CCDC6: variants seen among roughly 807,000 people sequenced by gnomAD.
CCDC6 encodes the protein coiled-coil domain-containing protein 6.
CCDC6 carries 20 observed loss-of-function variants against 56.6 expected under a neutral mutation model. That is an observed-to-expected ratio of 0.35 (90% CI 0.25 to 0.51). CCDC6 has a LOEUF of 0.51. Among genes scored for constraint, CCDC6 ranks in the 20% least tolerant of loss-of-function variants. The pLI is 0.95. For synonymous variants in CCDC6, 241 were observed against 234.4 expected, an observed-to-expected ratio of 1.03 and a Z score of -0.26; for missense variants, 367 against 601.1, an observed-to-expected ratio of 0.61 and a Z score of 4.07.
intron 4 of CCDC6, 85 bp downstream of exon 4, chr10:59,814,567 T>C: frequency 2.5e-6 from 2 of 807,978 alleles, no homozygotes; most frequent in Non-Finnish European, 4.3e-6. Context: ...TAAGGTGTCC[T>C]ACTGCTATTC....
At position 59,809,076 on chromosome 10, in the gene CCDC6, T is replaced by C. The variant is rs974125189; in HGVS notation, c.848-1998A>G. ...CTTTTAATATAAACGATTTAAATTA[T>C]TTGATCCCAAATATGCAAGCATGCA... is the stretch of plus-strand genomic sequence containing the variant. On this transcript the variant is annotated intron_variant, in intron 5 of 8. Transcript: ENST00000263102. Among the ~76,000 whole-genome samples the C allele has an allele frequency of 1.9e-4, 29 of 152,214 alleles. 1 individual carries two copies. The highest frequency in any genetic ancestry group is 4.4e-5 in the Non-Finnish European group (3 of 68,044).
rs2070451085 is a variant in CCDC6, at chr10:59,789,683, G to A, written c.*3234C>T. On this transcript the variant is annotated 3_prime_UTR_variant, in exon 9 of 9. Coordinates refer to ENST00000263102, the MANE Select transcript of CCDC6 (RefSeq NM_005436.5). ...AGACAAGTACTAGACAGAAGATCAA[G>A]TTACACAGAAATATTTCTTCTGTAC... 4.5e-6 allele frequency: 1 copy of A among 222,674 alleles called. No homozygotes were observed. The highest frequency in any genetic ancestry group is 5.7e-5 in the Admixed American group (1 of 17,412). The allele number at this position is 222,674 out of a possible 1,614,324, so 13.8% of individuals were successfully genotyped here.
chr10:59,865,140 C>T (rs2071166354), intron 1 of CCDC6, among the ~76,000 whole-genome samples: 1 of 152,204 alleles, frequency 6.6e-6, no homozygotes, highest in Non-Finnish European at 1.5e-5. Flanking sequence ...CCCTCTACAT[C>T]TCTACCTATA....
Position 59,906,215 on chromosome 10 carries a change from G to A in CCDC6, c.210C>T (p.Asn70=). Residue 70 remains asparagine (N), a synonymous_variant, in exon 1 of 9, where the codon AAC becomes AAT. Coordinates refer to ENST00000263102, the MANE Select transcript of CCDC6 (RefSeq NM_005436.5). ...TCTCCAGCTCTATCTTCAGCACCTT[G>A]TTCTCTTGCTGCAGCGAGGCCAGGC... ...TNRLASLQQE[N]KVLKIELETY... 1 of 1,613,734 alleles carries A rather than the reference G, an allele frequency of 6.2e-7. No individual in the cohort carries two copies. Among genetic ancestry groups the A allele is most frequent in the Non-Finnish European group, 8.5e-7 (1 of 1,179,792 alleles).
Position 59,788,920 on chromosome 10 carries a change from A to C in CCDC6, c.*3997T>G, listed in dbSNP as rs1201385988. 4 of 212,782 alleles carry C rather than the reference A, an allele frequency of 1.9e-5. No homozygotes were observed. The highest frequency in any genetic ancestry group is 1.5e-3 in the Middle Eastern group (1 of 648). The allele number at this position is 212,782 out of a possible 1,614,324, so 13.2% of individuals were successfully genotyped here. On this transcript the variant is annotated 3_prime_UTR_variant, in exon 9 of 9. Transcript: ENST00000263102. Reference sequence around the variant, plus strand: ...GATTGCCACTATTACCAGAACTCCAACCTAGTCAAGTTGTAGACAAGCTAT... The same window carrying C: ...GATTGCCACTATTACCAGAACTCCACCCTAGTCAAGTTGTAGACAAGCTAT...
At chr10:59,797,953 A>T (rs968140131) in intron 7 of CCDC6, among the ~76,000 whole-genome samples, 1 of 152,102 alleles carries the variant, frequency 6.6e-6, no homozygotes, top group Non-Finnish European at 1.5e-5. Context: ...TGGGGTCCAT[A>T]TTTTGAGAAC....
chr10:59,843,063 T>C (rs1344945336), intron 2 of CCDC6, among the ~76,000 whole-genome samples: 3 of 152,124 alleles, frequency 2.0e-5, no homozygotes, highest in African/African-American at 7.2e-5. Context: ...TTTTTTTGTA[T>C]TTTTAGTAGA....
At chr10:59,903,642 G>T (rs1184435755) in intron 1 of CCDC6, among the ~76,000 whole-genome samples, 1 of 152,060 alleles carries the variant, frequency 6.6e-6, no homozygotes, top group East Asian at 1.9e-4. Context: ...AGCCAGGAAG[G>T]CAATTACCAG....
intron 1 of CCDC6, among the ~76,000 whole-genome samples, chr10:59,859,188 ACATG>A (rs386744389): frequency 1.6e-4 from 15 of 96,044 alleles, no homozygotes; most frequent in African/African-American, 7.7e-4. Context: ...AAAAAAAAAT[ACATG>A]TGTGTGCGTG....
intron 7 of CCDC6, among the ~76,000 whole-genome samples, chr10:59,797,581 C>T (rs1381595785): frequency 9.8e-6 from 1 of 102,178 alleles, no homozygotes; most frequent in Non-Finnish European, 1.9e-5. Context: ...TGAACTGAAC[C>T]TCCTAGCAAA....
intron 3 of CCDC6, among the ~76,000 whole-genome samples, chr10:59,815,264 C>A (rs2070701887): frequency 6.6e-6 from 1 of 152,114 alleles, no homozygotes; most frequent in Non-Finnish European, 1.5e-5. Flanking sequence ...ATATGATAAA[C>A]ACCAAATCCA....
intron 1 of CCDC6, among the ~76,000 whole-genome samples, chr10:59,882,049 G>GGGGGAGAAGGAAAGGAAAGCCGC (rs1564755831): frequency 2.4e-5 from 1 of 40,988 alleles, no homozygotes; most frequent in African/African-American, 1.3e-4. Flanking sequence ...AGGAAAGCCA[G>GGGGGAGAAGGAAAGGAAAGCCGC]GGGGAGAAGG....
chr10:59,890,092 G>C (rs1368747242), intron 1 of CCDC6, among the ~76,000 whole-genome samples: 1 of 152,210 alleles, frequency 6.6e-6, no homozygotes, highest in Non-Finnish European at 1.5e-5. Context: ...GGAAGCTGAG[G>C]CTCGTCAAGA....
intron 1 of CCDC6, among the ~76,000 whole-genome samples, chr10:59,900,158 C>T (rs1222456125): frequency 6.6e-6 from 1 of 152,000 alleles, no homozygotes; most frequent in Non-Finnish European, 1.5e-5. Context: ...GAAATTTACA[C>T]ATGAACCGGG....
intron 7 of CCDC6, among the ~76,000 whole-genome samples, chr10:59,795,781 C>T (rs2070511458): frequency 6.6e-6 from 1 of 152,014 alleles, no homozygotes; most frequent in African/African-American, 2.4e-5. Flanking sequence ...CCAATTTCAT[C>T]CATGTCTCTA....
intron 3 of CCDC6, among the ~76,000 whole-genome samples, chr10:59,818,285 G>A (rs1418831748): frequency 6.6e-6 from 1 of 152,014 alleles, no homozygotes; most frequent in Admixed American, 6.6e-5. Context: ...CTCCTTCCTG[G>A]CATCTGTTGG....
At chr10:59,794,439 G>A (rs948288544) in intron 8 of CCDC6, 34 bp downstream of exon 8, 2 of 1,610,552 alleles carry the variant, frequency 1.2e-6, no homozygotes, top group African/African-American at 1.3e-5. Flanking sequence ...ACTTTCAGGA[G>A]TAAAGTGCTG....
intron 1 of CCDC6, among the ~76,000 whole-genome samples, chr10:59,869,389 C>CAAAAAAAAA: frequency 1.6e-3 from 10 of 6,096 alleles, no homozygotes; most frequent in Non-Finnish European, 2.0e-3. Context: ...CTTGCTCAGG[C>CAAAAAAAAA]AAAAAAAAAA....
intron 7 of CCDC6, among the ~76,000 whole-genome samples, chr10:59,799,505 G>A (rs2070554935): frequency 6.6e-6 from 1 of 152,222 alleles, no homozygotes; most frequent in African/African-American, 2.4e-5. Context: ...CTGCAGGTCA[G>A]TGGTTCTCAA....
Sources: allele counts gnomAD v4.1 joint callset (sites outside exome capture counted in the v4.1 genomes callset), GRCh38; gene constraint gnomAD v4.1.1; transcripts MANE v1.5; gene names NCBI Gene and HGNC (gene_info 2026-07-23, HGNC 2026-07-21).